SLC26A7: variants seen among roughly 807,000 people sequenced by gnomAD.
SLC26A7 encodes solute carrier family 26 member 7, also known as anion exchange transporter.
A neutral mutation model predicts 82.5 loss-of-function variants in SLC26A7; 59 were observed. The observed-to-expected ratio is 0.72, with a 90% CI of 0.58 to 0.89. The LOEUF (loss-of-function observed/expected upper bound fraction) is 0.89. SLC26A7 is among the 40% of genes least tolerant of loss of function. The probability of loss-of-function intolerance (pLI) is 0.00; values close to 1 mark genes in which losing one functional copy is unlikely to be tolerated. For missense variants in SLC26A7, 820 were observed against 793.0 expected (o/e 1.03, Z -0.41); for synonymous variants, 271 against 274.3 (o/e 0.99, Z 0.12).
intron 14 of SLC26A7, among the ~76,000 whole-genome samples, chr8:91,367,930 T>G (rs994510458): frequency 6.6e-6 from 1 of 152,202 alleles, no homozygotes; most frequent in Non-Finnish European, 1.5e-5. Flanking sequence ...AGCTTCACAC[T>G]TCTGCCTTTG....
At chr8:91,369,560 G>A (rs544612960) in intron 14 of SLC26A7, among the ~76,000 whole-genome samples, 1 of 152,096 alleles carries the variant, frequency 6.6e-6, no homozygotes, top group South Asian at 2.1e-4. Flanking sequence ...AAAGAAGACA[G>A]TCTGATAACA....
intron 2 of SLC26A7, among the ~76,000 whole-genome samples, chr8:91,225,394 T>TC (rs1160051801): frequency 6.6e-6 from 1 of 151,998 alleles, no homozygotes; most frequent in Non-Finnish European, 1.5e-5. Context: ...ACTCACTGCC[T>TC]CCCTTCTCTG....
intron 2 of SLC26A7, among the ~76,000 whole-genome samples, chr8:91,257,735 G>A (rs914172675): frequency 6.6e-6 from 1 of 151,850 alleles, no homozygotes; most frequent in Non-Finnish European, 1.5e-5. Context: ...TTTAGGTTTG[G>A]AGGTACATGT....
At chr8:91,325,269 T>G (rs1231293312) in intron 5 of SLC26A7, among the ~76,000 whole-genome samples, 1 of 152,140 alleles carries the variant, frequency 6.6e-6, no homozygotes, top group Admixed American at 6.6e-5. Flanking sequence ...TCACTGTGTA[T>G]AAGATGGCCA....
At chr8:91,324,225 A>G (rs1198274838) in intron 5 of SLC26A7, among the ~76,000 whole-genome samples, 8 of 152,348 alleles carry the variant, frequency 5.3e-5, no homozygotes, top group African/African-American at 1.9e-4. Context: ...ATGTTTAATG[A>G]TGTATAATGA....
Position 91,263,576 on chromosome 8 carries a change from G to T in SLC26A7, c.193+13732G>T, listed in dbSNP as rs139356732. ...CTGACATTTATTTAACTCTTTCTTT[G>T]TGCTTGCCCTGTGTTGGGCCATAAG... is the stretch of plus-strand genomic sequence containing the variant. On this transcript the variant is annotated intron_variant, in intron 2 of 18. Transcript: ENST00000276609. 8.6e-3 allele frequency among the ~76,000 whole-genome samples: 1,312 copies of T among 151,978 alleles called. 10 individuals carry two copies. Among genetic ancestry groups the T allele is most frequent in the African/African-American group, 0.03 (1,247 of 41,462 alleles).
intron 15 of SLC26A7, among the ~76,000 whole-genome samples, chr8:91,388,929 G>C (rs1814878170): frequency 1.3e-5 from 2 of 151,956 alleles, no homozygotes; most frequent in Admixed American, 1.3e-4. Flanking sequence ...CTCTACTCCG[G>C]GCATACCTAC....
intron 5 of SLC26A7, among the ~76,000 whole-genome samples, chr8:91,327,447 T>C (rs1341776996): frequency 6.6e-6 from 1 of 152,194 alleles, no homozygotes; most frequent in Non-Finnish European, 1.5e-5. Context: ...TCGGTGGTGC[T>C]ACTGTTGTCT....
In SLC26A7 at chr8:91,225,643, G is replaced by GTTTTTTTTTTTTT. The variant is rs55732709; in HGVS notation, c.-34+6658_-34+6670dup. On this transcript the variant is annotated intron_variant, in intron 2 of 5. Coordinates refer to the SLC26A7 transcript ENST00000522862. ...TCTTGGCCCTGCCCCCTAGAAAAGT[G>GTTTTTTTTTTTTT]TTTTTTTTTTTTTTTTTTTTTTTTT... is the stretch of plus-strand genomic sequence containing the variant. Among the ~76,000 whole-genome samples, 9 of 36,132 alleles carry GTTTTTTTTTTTTT rather than the reference G, an allele frequency of 2.5e-4. 2 individuals are homozygous for GTTTTTTTTTTTTT. The highest frequency in any genetic ancestry group is 4.9e-4 in the African/African-American group (4 of 8,180). 23.7% of individuals were successfully genotyped at this position (36,132 alleles called of 152,430 possible). A position where few individuals can be genotyped will look rare whatever the true frequency, so the allele number is the denominator to read the frequency against.
rs369393758 is a variant in SLC26A7, at chr8:91,240,604, G to A, written c.-33-9015G>A. 5.9e-5 allele frequency among the ~76,000 whole-genome samples: 9 copies of A among 152,058 alleles called. No homozygotes were observed. The South Asian group carries it at 1.0e-3, about 18-fold the overall frequency. On this transcript the variant is annotated intron_variant, in intron 2 of 5. Coordinates refer to the SLC26A7 transcript ENST00000522862. ...ATCTCCACTGTCTGAGTTATACTTGGGCATTCAATTTGACTTCCTGAGACA... is the reference window on the plus strand; with the variant it reads ...ATCTCCACTGTCTGAGTTATACTTGAGCATTCAATTTGACTTCCTGAGACA...
chr8:91,347,520 G>T (rs937552105), intron 9 of SLC26A7, among the ~76,000 whole-genome samples: 1 of 152,050 alleles, frequency 6.6e-6, no homozygotes, highest in African/African-American at 2.4e-5. Context: ...TTGGTACAAG[G>T]CTTCAAAATC....
intron 16 of SLC26A7, among the ~76,000 whole-genome samples, chr8:91,390,218 G>A (rs1283528339): frequency 6.7e-6 from 1 of 149,782 alleles, no homozygotes; most frequent in Non-Finnish European, 1.5e-5. Flanking sequence ...CTGGGATCAC[G>A]CCATTCTCCT....
At chr8:91,239,395 A>ATATAT (rs1233159768) in intron 2 of SLC26A7, among the ~76,000 whole-genome samples, 4 of 94,858 alleles carry the variant, frequency 4.2e-5, no homozygotes, top group African/African-American at 1.1e-4. Context: ...AAAAAAAAAA[A>ATATAT]ATATATATAT....
At chr8:91,260,618 T>G (rs947636258) in intron 2 of SLC26A7, among the ~76,000 whole-genome samples, 7 of 152,056 alleles carry the variant, frequency 4.6e-5, no homozygotes, top group Admixed American at 2.6e-4. Context: ...CAATCATAAT[T>G]GAGATAGATG....
intron 18 of SLC26A7, chr8:91,394,279 T>C (rs377311445): frequency 1.2e-5 from 19 of 1,613,126 alleles, no homozygotes; most frequent in Non-Finnish European, 1.5e-5. Context: ...CTCTGAGGAT[T>C]GGGTGGTTGC....
At chr8:91,274,637 A>T (rs1468005000) in intron 2 of SLC26A7, among the ~76,000 whole-genome samples, 1 of 152,218 alleles carries the variant, frequency 6.6e-6, no homozygotes, top group African/African-American at 2.4e-5. Context: ...ACCTCTTAAT[A>T]CTCTTATACT....
At chr8:91,292,008 T>TA (rs1462789063) in intron 3 of SLC26A7, among the ~76,000 whole-genome samples, 1 of 152,052 alleles carries the variant, frequency 6.6e-6, no homozygotes, top group Non-Finnish European at 1.5e-5. Context: ...TTTGGGTCAT[T>TA]AAAAAATAAA....
intron 2 of SLC26A7, among the ~76,000 whole-genome samples, chr8:91,221,268 A>G: frequency 6.6e-6 from 1 of 152,186 alleles, no homozygotes; most frequent in Non-Finnish European, 1.5e-5. Flanking sequence ...TCTGGATATT[A>G]GACCTTTGTC....
At chr8:91,384,316 C>T (rs1192561137) in intron 15 of SLC26A7, among the ~76,000 whole-genome samples, 2 of 152,060 alleles carry the variant, frequency 1.3e-5, no homozygotes, top group Admixed American at 6.6e-5. Flanking sequence ...TCTCCTCTCT[C>T]ATCTTCAAAT....
Sources: allele counts gnomAD v4.1 joint callset (sites outside exome capture counted in the v4.1 genomes callset), GRCh38; gene constraint gnomAD v4.1.1; transcripts MANE v1.5; gene names NCBI Gene and HGNC (gene_info 2026-07-23, HGNC 2026-07-21).